The following STAU1 variants were observed in gnomAD, a reference collection of about 807,000 sequenced individuals.
STAU1 encodes the protein staufen double-stranded RNA binding protein 1, also known as double-stranded RNA-binding protein Staufen homolog 1.
Under a neutral mutation model 62.9 loss-of-function variants are expected in STAU1, and 13 were observed. The ratio of observed to expected loss-of-function variants is 0.21; its 90% CI spans 0.13 to 0.33. The LOEUF is 0.33. Among genes scored for constraint, STAU1 ranks in the 10% least tolerant of loss-of-function variants. STAU1 has a pLI of 1.00. For synonymous variants in STAU1, 269 were observed against 265.1 expected (o/e 1.01, Z -0.14); for missense variants, 571 against 712.1 (o/e 0.80, Z 2.25).
intron 1 of STAU1, among the ~76,000 whole-genome samples, chr20:49,183,093 TTTTA>T (rs1489204499): frequency 6.6e-6 from 1 of 152,196 alleles, no homozygotes; most frequent in Non-Finnish European, 1.5e-5. Context: ...TCTGGTGAAG[TTTTA>T]TTTAAAGAAA....
At chr20:49,121,255 A>G (rs928494803) in intron 8 of STAU1, among the ~76,000 whole-genome samples, 1 of 152,034 alleles carries the variant, frequency 6.6e-6, no homozygotes, top group African/African-American at 2.4e-5. Flanking sequence ...AAAAATACAA[A>G]AAGTAGCTGG....
upstream of STAU1, among the ~76,000 whole-genome samples, chr20:49,192,845 TAAC>T (rs2093832957): frequency 6.6e-6 from 1 of 152,040 alleles, no homozygotes; most frequent in African/African-American, 2.4e-5. Context: ...CCAAGAAAAA[TAAC>T]AAACAGGATT....
rs1228014419 is a variant in STAU1, at chr20:49,113,747, G to A, written c.*1131C>T. On this transcript the variant is annotated 3_prime_UTR_variant, in exon 14 of 14. Coordinates refer to ENST00000371856, the MANE Select transcript of STAU1 (RefSeq NM_017453.4). ...ACAGAAACGTAGGTCATTCTTTTCA[G>A]CCCTAATGGAGATGTAATTAACAGT... 6.6e-6 allele frequency: 1 copy of A among 152,588 alleles called. No homozygotes were observed. Among genetic ancestry groups the A allele is most frequent in the Non-Finnish European group, 1.5e-5 (1 of 68,032 alleles). The allele number at this position is 152,588 out of a possible 1,614,324, so 9.5% of individuals were successfully genotyped here.
intron 1 of STAU1, among the ~76,000 whole-genome samples, chr20:49,183,616 T>A (rs542043404): frequency 2.6e-5 from 4 of 152,318 alleles, no homozygotes; most frequent in African/African-American, 9.6e-5. Flanking sequence ...CTTGTGGTAT[T>A]GGGGAGAGAG....
chr20:49,168,880 C>A (rs960986551), intron 2 of STAU1, among the ~76,000 whole-genome samples: 1 of 151,888 alleles, frequency 6.6e-6, no homozygotes, highest in Non-Finnish European at 1.5e-5. Flanking sequence ...ACTAATGTAA[C>A]AAGTAGCTTA....
chr20:49,174,671 C>T lies in STAU1; in HGVS notation c.-159-402G>A, dbSNP rs538251651. ...AGATTGAGACTGCCAGGCATGGTGG[C>T]GCACGCCTGTAATCCCAGCACTTTG... On this transcript the variant is annotated intron_variant, in intron 1 of 13. Transcript: ENST00000371856. 2.5e-3 allele frequency among the ~76,000 whole-genome samples: 373 copies of T among 151,534 alleles called. 2 individuals carry two copies. Among genetic ancestry groups the T allele is most frequent in the Non-Finnish European group, 4.7e-3 (319 of 67,924 alleles).
At chr20:49,202,833 G>A in the STAU1 span, among the ~76,000 whole-genome samples, 1 of 152,108 alleles carries the variant, frequency 6.6e-6, no homozygotes, top group East Asian at 1.9e-4. Context: ...TTGAGGCCAG[G>A]AGTTTGAGAC....
intron 5 of STAU1, among the ~76,000 whole-genome samples, chr20:49,141,332 T>C (rs770880750): frequency 6.6e-6 from 1 of 152,216 alleles, no homozygotes; most frequent in Non-Finnish European, 1.5e-5. Flanking sequence ...CTCACGCCTG[T>C]AGTCCCAACA....
rs1568835758 is a variant in STAU1, at chr20:49,126,588, C to CAAAAAAAAAACAAAACAAAAAAA, written c.610-2002_610-2001insTTTTTTTGTTTTGTTTTTTTTTT. Among the ~76,000 whole-genome samples the CAAAAAAAAAACAAAACAAAAAAA allele has an allele frequency of 8.0e-4, 45 of 56,344 alleles. 1 individual carries two copies. The highest frequency in any genetic ancestry group is 2.7e-3 in the African/African-American group (42 of 15,746). 37.0% of individuals were successfully genotyped at this position (56,344 alleles called of 152,430 possible). Reference sequence around the variant, plus strand: ...GTCTCAAAAAGCAAAAAAAAAAAAACAAAAAAAAAACAAAAAAACTTAAAA... The same window carrying CAAAAAAAAAACAAAACAAAAAAA: ...GTCTCAAAAAGCAAAAAAAAAAAAACAAAAAAAAAACAAAACAAAAAAAAAAAAAAAAACAAAAAAACTTAAAA... On this transcript the variant is annotated intron_variant, in intron 6 of 13. Coordinates refer to ENST00000371856, the MANE Select transcript of STAU1 (RefSeq NM_017453.4).
At chr20:49,166,626 T>C (rs2093530721) in intron 2 of STAU1, among the ~76,000 whole-genome samples, 1 of 152,014 alleles carries the variant, frequency 6.6e-6, no homozygotes, top group Non-Finnish European at 1.5e-5. Context: ...TATGGAGAGG[T>C]TTCCATAGTA....
chr20:49,156,579 A>G (rs1568895797), intron 3 of STAU1, among the ~76,000 whole-genome samples: 1 of 152,162 alleles, frequency 6.6e-6, no homozygotes, highest in Non-Finnish European at 1.5e-5. Flanking sequence ...TTCCCTCCAA[A>G]GCTTTAGCAG....
the STAU1 span, among the ~76,000 whole-genome samples, chr20:49,217,667 T>A: frequency 7.8e-6 from 1 of 127,508 alleles, no homozygotes; most frequent in South Asian, 2.9e-4. Context: ...GTTTTTTTTT[T>A]CCTTTTAAAA....
intron 2 of STAU1, among the ~76,000 whole-genome samples, chr20:49,168,954 ATTTT>A (rs201860565): frequency 1.4e-5 from 2 of 143,726 alleles, no homozygotes; most frequent in Admixed American, 7.0e-5. Flanking sequence ...ATAGATGCTA[ATTTT>A]TTTTTTTTTT....
intron 3 of STAU1, among the ~76,000 whole-genome samples, chr20:49,157,116 A>T (rs2093371839): frequency 1.3e-5 from 2 of 152,084 alleles, no homozygotes; most frequent in Admixed American, 1.3e-4. Context: ...ACCTCAAGTG[A>T]TCCACCTGCC....
intron 5 of STAU1, among the ~76,000 whole-genome samples, chr20:49,138,775 T>C (rs976096375): frequency 6.6e-6 from 1 of 152,126 alleles, no homozygotes; most frequent in African/African-American, 2.4e-5. Context: ...TTGGGATTTA[T>C]AGGTGTGAGC....
At chr20:49,156,828 T>C (rs887932745) in intron 3 of STAU1, among the ~76,000 whole-genome samples, 1 of 152,040 alleles carries the variant, frequency 6.6e-6, no homozygotes, top group Non-Finnish European at 1.5e-5. Flanking sequence ...TTTTTTGTTG[T>C]TTTTTATAAA....
intron 2 of STAU1, among the ~76,000 whole-genome samples, chr20:49,168,528 C>T: frequency 6.7e-6 from 1 of 148,354 alleles, no homozygotes; most frequent in South Asian, 2.1e-4. Flanking sequence ...CAAAACAAAA[C>T]AAACCAAAAA....
At chr20:49,187,138 T>C (rs1247460012) in intron 1 of STAU1, among the ~76,000 whole-genome samples, 2 of 152,150 alleles carry the variant, frequency 1.3e-5, no homozygotes, top group Non-Finnish European at 1.5e-5. Context: ...GTGCTCTAGA[T>C]AGGTTTGCTC....
intron 1 of STAU1, among the ~76,000 whole-genome samples, chr20:49,183,914 A>C (rs2093756130): frequency 6.6e-6 from 1 of 152,054 alleles, no homozygotes; most frequent in Admixed American, 6.6e-5. Flanking sequence ...CACTGAAATA[A>C]ATGTGAAGTA....
Sources: allele counts gnomAD v4.1 joint callset (sites outside exome capture counted in the v4.1 genomes callset), GRCh38; gene constraint gnomAD v4.1.1; transcripts MANE v1.5; gene names NCBI Gene and HGNC (gene_info 2026-07-23, HGNC 2026-07-21).